Variants in ABR observed in about 807,000 individuals in gnomAD.
ABR encodes ABR activator of RhoGEF and GTPase.
A neutral mutation model predicts 107.2 loss-of-function variants in ABR; 35 were observed. That is an observed-to-expected ratio of 0.33 (90% CI 0.25 to 0.43). The LOEUF (loss-of-function observed/expected upper bound fraction) is 0.43, where lower values mean the gene tolerates loss of function less well. Among genes scored for constraint, ABR ranks in the 20% least tolerant of loss-of-function variants. ABR has a pLI of 1.00. For missense variants in ABR, 815 were observed against 1,115.2 expected (o/e 0.73, Z 3.83); for synonymous variants, 498 against 462.0 (o/e 1.08, Z -1.00).
Position 1,071,737 on chromosome 17 carries a change from C to A in ABR, c.894+877G>T, listed in dbSNP as rs939493112. Among the ~76,000 whole-genome samples, 1 of 152,382 alleles carries A rather than the reference C, an allele frequency of 6.6e-6. No individual in the cohort carries two copies. The highest frequency in any genetic ancestry group is 1.5e-5 in the Non-Finnish European group (1 of 68,040). On this transcript the variant is annotated intron_variant, in intron 8 of 22. Transcript: ENST00000302538. The surrounding 1 kb of genome is among the most constrained non-coding windows in gnomAD (Gnocchi z 5.1). ...GGAGACCCTGACGGCATCACACTGG[C>A]CAGAGGCAGGTGTCTGCATTCAAGA...
chr17:1,061,043 C>T (rs1442505520), intron 10 of ABR, among the ~76,000 whole-genome samples: 1 of 152,170 alleles, frequency 6.6e-6, no homozygotes, highest in Non-Finnish European at 1.5e-5. Flanking sequence ...TCTTCTGTGA[C>T]TCAGAGGACG....
intron 12 of ABR, chr17:1,057,719 T>C: frequency 4.6e-6 from 2 of 438,834 alleles, no homozygotes; most frequent in Non-Finnish European, 8.4e-6. Flanking sequence ...GAGAGAGAGG[T>C]AGAGAGAGAG....
chr17:1,056,957 TG>T, intron 13 of ABR, 40 bp downstream of exon 13: 1 of 1,445,912 alleles, frequency 6.9e-7, no homozygotes, highest in Non-Finnish European at 9.7e-7. Context: ...CTCTGAGGGC[TG>T]GGACCTGCCG....
chr17:1,104,522 C>A (rs1412748492), intron 2 of ABR, among the ~76,000 whole-genome samples: 1 of 152,182 alleles, frequency 6.6e-6, no homozygotes, highest in Admixed American at 6.6e-5. Flanking sequence ...AGTCAGTTCA[C>A]GGGCCACAGC....
At chr17:1,058,560 G>A (rs1476520554) in intron 11 of ABR, among the ~76,000 whole-genome samples, 185 bp downstream of exon 11, 1 of 152,136 alleles carries the variant, frequency 6.6e-6, no homozygotes, top group Non-Finnish European at 1.5e-5. Flanking sequence ...TGCCAGGGAC[G>A]GCCAGCAGAG....
At chr17:1,222,740 C>T (rs1005646266) in intron 1 of ABR, among the ~76,000 whole-genome samples, 27 of 152,124 alleles carry the variant, frequency 1.8e-4, no homozygotes, top group African/African-American at 6.0e-4. Flanking sequence ...AGTGAGACCC[C>T]GTCTCTACAA....
chr17:1,103,778 C>T (rs1035300451), intron 2 of ABR, among the ~76,000 whole-genome samples: 8 of 152,136 alleles, frequency 5.3e-5, no homozygotes, highest in African/African-American at 1.9e-4. Flanking sequence ...GGAGCAAAGG[C>T]GTTGGAGAGC....
chr17:1,147,330 G>T (rs770694497), intron 1 of ABR, among the ~76,000 whole-genome samples: 13 of 151,580 alleles, frequency 8.6e-5, no homozygotes, highest in Non-Finnish European at 1.8e-4. Flanking sequence ...TAAGTGATGA[G>T]GATTTCAGCA....
intron 1 of ABR, among the ~76,000 whole-genome samples, chr17:1,143,913 G>A (rs750784626): frequency 6.6e-6 from 1 of 152,070 alleles, no homozygotes; most frequent in Non-Finnish European, 1.5e-5. Flanking sequence ...TATTATCTGC[G>A]CAGTGTTTTA....
Position 1,097,312 on chromosome 17 carries a change from C to T in ABR, c.345+3325G>A, listed in dbSNP as rs377426261. Among the ~76,000 whole-genome samples, 25 of 152,224 alleles carry T rather than the reference C, an allele frequency of 1.6e-4. No individual in the cohort carries two copies. In the East Asian group the frequency reaches 3.3e-3, roughly 20 times the overall value. On this transcript the variant is annotated intron_variant, in intron 3 of 22. Transcript: ENST00000302538. ...GCTGTGTTCTAAGAGCTTTATGTGC[C>T]GGACACAGTGGCTCACATCTGTAAT...
chr17:1,023,044 C>T (rs1471707591), intron 16 of ABR, among the ~76,000 whole-genome samples: 1 of 149,142 alleles, frequency 6.7e-6, no homozygotes, highest in Non-Finnish European at 1.5e-5. Flanking sequence ...AGAGCCTCTG[C>T]CTGCCCCACG....
At chr17:1,099,520 A>G (rs1174379067) in intron 3 of ABR, among the ~76,000 whole-genome samples, 2 of 151,812 alleles carry the variant, frequency 1.3e-5, no homozygotes, top group African/African-American at 4.8e-5. Flanking sequence ...CTTGTTAAGA[A>G]TGAGCTTCCA....
chr17:1,072,793 T>C, intron 7 of ABR, 39 bp from the exon 8 acceptor site: 1 of 1,595,616 alleles, frequency 6.3e-7, no homozygotes, highest in South Asian at 1.1e-5. Context: ...GGAGCGGCTC[T>C]GGGGCCTGAT....
At chr17:1,006,827 G>A (rs1267551946) in intron 22 of ABR, among the ~76,000 whole-genome samples, 3 of 48,970 alleles carry the variant, frequency 6.1e-5, no homozygotes, top group African/African-American at 1.9e-4. Context: ...GGGCCCGGGC[G>A]GTGCCAGGGT....
At chr17:1,063,925 C>G in intron 10 of ABR, among the ~76,000 whole-genome samples, 1 of 150,654 alleles carries the variant, frequency 6.6e-6, no homozygotes, top group Non-Finnish European at 1.5e-5. Flanking sequence ...GAGGGCTATG[C>G]ATGTTCCTCT....
intron 16 of ABR, among the ~76,000 whole-genome samples, chr17:1,025,836 G>A (rs187282168): frequency 5.9e-5 from 9 of 152,276 alleles, no homozygotes; most frequent in East Asian, 1.9e-4. Flanking sequence ...TGTCTCGGGC[G>A]CCTCTGTGTC....
At position 1,011,285 on chromosome 17, in the gene ABR, C is replaced by A. The variant is rs978189278; in HGVS notation, c.2102-422G>T. 2 of 191,060 alleles carry A rather than the reference C, an allele frequency of 1.0e-5. No homozygotes were observed. Among genetic ancestry groups the A allele is most frequent in the Non-Finnish European group, 2.2e-5 (2 of 91,518 alleles). 11.8% of individuals were successfully genotyped at this position (191,060 alleles called of 1,614,324 possible). On this transcript the variant is annotated intron_variant, in intron 19 of 22. Coordinates refer to ENST00000302538, the MANE Select transcript of ABR (RefSeq NM_021962.5). The surrounding 1 kb of genome is among the most constrained non-coding windows in gnomAD (Gnocchi z 4.8). ...GGCTGCACAGAGGCACCAACGCCGG[C>A]CAGTTCCCAGGCCCCACCCCGTCCT...
chr17:1,160,694 G>A (rs868207547), intron 1 of ABR, among the ~76,000 whole-genome samples: 4 of 152,204 alleles, frequency 2.6e-5, no homozygotes, highest in Non-Finnish European at 4.4e-5. Context: ...GGAGGGAGGC[G>A]GCGCAGATGA....
At chr17:1,057,212 G>C in intron 12 of ABR, 110 bp from the exon 13 acceptor site, 6 of 704,400 alleles carry the variant, frequency 8.5e-6, no homozygotes, top group Non-Finnish European at 1.2e-5. Flanking sequence ...GGGCAGACTT[G>C]GTCCTTGCGA....
Sources: gnomAD v4.1 joint callset for allele counts (sites outside exome capture counted in the v4.1 genomes callset) on GRCh38, gnomAD v4.1.1 for gene constraint, Gnocchi (gnomAD v3.1) non-coding constraint, MANE v1.5 for transcripts, NCBI Gene and HGNC (gene_info 2026-07-23, HGNC 2026-07-21) for gene names.